PSMA6: variants seen among roughly 807,000 people sequenced by gnomAD.
The protein encoded by PSMA6 is proteasome 20S subunit alpha 6.
For missense variants in PSMA6, 170 were observed against 294.8 expected (o/e 0.58, Z 3.10); for synonymous variants, 88 against 97.7 (o/e 0.90, Z 0.59).
At chr14:35,299,063 G>A (rs770565759) in intron 1 of PSMA6, among the ~76,000 whole-genome samples, 1 of 152,102 alleles carries the variant, frequency 6.6e-6, no homozygotes, top group African/African-American at 2.4e-5. Context: ...GTCTCACTCT[G>A]TCGCCCAGGC....
At chr14:35,306,615 G>A (rs2051832415) in intron 1 of PSMA6, among the ~76,000 whole-genome samples, 1 of 152,162 alleles carries the variant, frequency 6.6e-6, no homozygotes, top group Non-Finnish European at 1.5e-5. Flanking sequence ...GCCGAGGCAG[G>A]AGAATCGCTT....
At chr14:35,286,572 T>C (rs1172558036) in intron 1 of PSMA6, among the ~76,000 whole-genome samples, 2 of 148,732 alleles carry the variant, frequency 1.3e-5, no homozygotes, top group Admixed American at 6.7e-5. Context: ...ACTGAAGTTA[T>C]TATAGCTAAA....
chr14:35,282,423 TA>T lies in PSMA6; in HGVS notation c.19+3714del, dbSNP rs202131658. On this transcript the variant is annotated intron_variant, in intron 1 of 6. Transcript: ENST00000540871. ...ATAATTTTCTAACTTATTTGTAAAT[TA>T]AAAAAAAATTTTTTTTTTTACAGAC... Among the ~76,000 whole-genome samples the T allele has an allele frequency of 4.3e-3, 630 of 146,384 alleles. 7 individuals carry two copies. The highest frequency in any genetic ancestry group is 0.016 in the African/African-American group (587 of 36,664).
intron 1 of PSMA6, among the ~76,000 whole-genome samples, chr14:35,293,489 C>T (rs1192183830): frequency 6.6e-6 from 1 of 152,144 alleles, no homozygotes; most frequent in Non-Finnish European, 1.5e-5. Context: ...TTTAGTGGCT[C>T]CGTGTCTTGC....
At chr14:35,304,397 T>TC (rs1264150064) in intron 1 of PSMA6, among the ~76,000 whole-genome samples, 1 of 152,138 alleles carries the variant, frequency 6.6e-6, no homozygotes, top group Non-Finnish European at 1.5e-5. Flanking sequence ...CTAGAACCAA[T>TC]CCCCACAAAT....
chr14:35,285,603 G>T (rs545689363), intron 1 of PSMA6, among the ~76,000 whole-genome samples: 1 of 152,306 alleles, frequency 6.6e-6, no homozygotes, highest in South Asian at 2.1e-4. Flanking sequence ...CAAGGAAGAG[G>T]AAGTGTCTCT....
intron 4 of PSMA6, chr14:35,312,678 C>A: frequency 2.2e-6 from 1 of 457,390 alleles, no homozygotes; most frequent in Admixed American, 4.2e-5. Flanking sequence ...TGTGATAAAT[C>A]CTTTTGTGAA....
At chr14:35,317,068 C>T in intron 6 of PSMA6, 181 bp from the exon 7 acceptor site, 1 of 505,098 alleles carries the variant, frequency 2.0e-6, no homozygotes, top group African/African-American at 1.9e-5. Context: ...CTGGGAATTC[C>T]TTCAAAATAA....
At chr14:35,279,851 G>A (rs1004228802) in intron 1 of PSMA6, among the ~76,000 whole-genome samples, 4 of 152,248 alleles carry the variant, frequency 2.6e-5, no homozygotes, top group South Asian at 2.1e-4. Flanking sequence ...CGGGCCGGGC[G>A]TGGTGGCTCA....
At chr14:35,301,778 G>T (rs978075138) in intron 1 of PSMA6, among the ~76,000 whole-genome samples, 1 of 152,170 alleles carries the variant, frequency 6.6e-6, no homozygotes, top group African/African-American at 2.4e-5. Flanking sequence ...AGTTTATGTG[G>T]TAGGGAAGAT....
intron 4 of PSMA6, among the ~76,000 whole-genome samples, chr14:35,312,119 A>G (rs2051954205): frequency 6.7e-6 from 1 of 149,882 alleles, no homozygotes; most frequent in Non-Finnish European, 1.5e-5. Context: ...TAATCCCAGC[A>G]CTTTGGGAGG....
intron 5 of PSMA6, 52 bp downstream of exon 5, chr14:35,313,111 G>T: frequency 7.0e-7 from 1 of 1,424,008 alleles, no homozygotes; most frequent in Non-Finnish European, 9.4e-7. Context: ...GAACAGTGAG[G>T]ATCTTTGTAT....
chr14:35,314,603 C>G (rs1359437977), intron 6 of PSMA6, 148 bp downstream of exon 6: 1 of 1,096,346 alleles, frequency 9.1e-7, no homozygotes, highest in Non-Finnish European at 1.2e-6. Flanking sequence ...CACCTGAGAT[C>G]TGTTTTTAAA....
intron 1 of PSMA6, among the ~76,000 whole-genome samples, chr14:35,303,987 T>G (rs1305162678): frequency 6.6e-6 from 1 of 152,080 alleles, no homozygotes; most frequent in Non-Finnish European, 1.5e-5. Flanking sequence ...CTTTCTTTTT[T>G]TTTTAGACGG....
chr14:35,284,408 G>T (rs978319279), intron 1 of PSMA6, among the ~76,000 whole-genome samples: 1 of 152,056 alleles, frequency 6.6e-6, no homozygotes, highest in African/African-American at 2.4e-5. Context: ...GAGCATATAA[G>T]GTCATTTTCT....
At chr14:35,294,050 T>C (rs535226881) in intron 1 of PSMA6, among the ~76,000 whole-genome samples, 1 of 152,208 alleles carries the variant, frequency 6.6e-6, no homozygotes, top group South Asian at 2.1e-4. Flanking sequence ...TTTTATTTAT[T>C]TTTATTTTTT....
chr14:35,282,432 AT>A (rs57454361), intron 1 of PSMA6, among the ~76,000 whole-genome samples: 15,834 of 147,088 alleles, frequency 0.11, 2,211 homozygotes, highest in African/African-American at 0.33. Flanking sequence ...TTAAAAAAAA[AT>A]TTTTTTTTTT....
At chr14:35,296,280 A>G (rs540814959) in intron 1 of PSMA6, among the ~76,000 whole-genome samples, 1 of 152,242 alleles carries the variant, frequency 6.6e-6, no homozygotes, top group East Asian at 1.9e-4. Context: ...CATTTAAAAC[A>G]TTGCCCGGTA....
At position 35,306,017 on chromosome 14, in the gene PSMA6, G is replaced by A. The variant is rs183648698; in HGVS notation, c.77-1977G>A. 1.1e-3 allele frequency among the ~76,000 whole-genome samples: 167 copies of A among 151,880 alleles called. 1 individual carries two copies. The highest frequency in any genetic ancestry group is 3.7e-3 in the African/African-American group (154 of 41,378). On this transcript the variant is annotated intron_variant, in intron 1 of 6. Coordinates refer to ENST00000261479, the MANE Select transcript of PSMA6 (RefSeq NM_002791.3). ...GAGGTGGGAGGATCGCTTGAGTCCA[G>A]GAGTTTGAGACCAGCCTGGGCAACA...
Sources: allele counts gnomAD v4.1 joint callset (sites outside exome capture counted in the v4.1 genomes callset), GRCh38; gene constraint gnomAD v4.1.1; transcripts MANE v1.5; gene names NCBI Gene and HGNC (gene_info 2026-07-23, HGNC 2026-07-21).